Variants in PPARGC1A observed in about 807,000 individuals in gnomAD.
PPARGC1A encodes peroxisome proliferator-activated receptor gamma coactivator 1-alpha.
In PPARGC1A, 25 loss-of-function variants were observed where a neutral mutation model predicts 88.7. The observed-to-expected ratio is 0.28, with a 90% CI of 0.21 to 0.39. The LOEUF (loss-of-function observed/expected upper bound fraction) is 0.39, where lower values mean the gene tolerates loss of function less well. PPARGC1A is among the 10% of genes least tolerant of loss of function. PPARGC1A has a pLI of 1.00. For missense variants in PPARGC1A, 880 were observed against 968.7 expected (o/e 0.91, Z 1.22); for synonymous variants, 363 against 355.6 (o/e 1.02, Z -0.24).
At chr4:24,198,200 A>T in the PPARGC1A span, among the ~76,000 whole-genome samples, 1 of 152,212 alleles carries the variant, frequency 6.6e-6, no homozygotes, top group African/African-American at 2.4e-5. Context: ...ACAAATGCCC[A>T]TCAGATCTGC....
chr4:24,320,604 C>T, the PPARGC1A span, among the ~76,000 whole-genome samples: 1 of 150,838 alleles, frequency 6.6e-6, no homozygotes, highest in Non-Finnish European at 1.5e-5. Context: ...AACGAATGTC[C>T]TTTGAAAACA....
chr4:24,424,277 T>C, the PPARGC1A span, among the ~76,000 whole-genome samples: 2 of 125,300 alleles, frequency 1.6e-5, no homozygotes, highest in African/African-American at 6.1e-5. Flanking sequence ...TTTTTTTTTT[T>C]TTTTTTTTTT....
At chr4:24,270,171 T>C in the PPARGC1A span, among the ~76,000 whole-genome samples, 94,336 of 151,982 alleles carry the variant, frequency 0.62, 29,779 homozygotes, top group East Asian at 0.87. Context: ...CACCATCTGC[T>C]ATCTTGATCC....
chr4:24,062,207 G>A, the PPARGC1A span, among the ~76,000 whole-genome samples: 1 of 152,216 alleles, frequency 6.6e-6, no homozygotes, highest in Non-Finnish European at 1.5e-5. Context: ...TTCCCTAGTA[G>A]TACTCAGGAT....
the PPARGC1A span, among the ~76,000 whole-genome samples, chr4:23,998,719 T>C: frequency 6.6e-6 from 1 of 152,170 alleles, no homozygotes; most frequent in South Asian, 2.1e-4. Flanking sequence ...ATTCATAAAA[T>C]ATGTATGGCT....
chr4:24,362,361 G>T, the PPARGC1A span, among the ~76,000 whole-genome samples: 1 of 151,380 alleles, frequency 6.6e-6, no homozygotes, highest in Non-Finnish European at 1.5e-5. Flanking sequence ...TGGATGGATG[G>T]ATGGATGGAT....
the PPARGC1A span, among the ~76,000 whole-genome samples, chr4:24,162,368 AAAAATAAAAT>A: frequency 6.6e-6 from 1 of 152,154 alleles, no homozygotes; most frequent in African/African-American, 2.4e-5. Context: ...CTATGGAAAT[AAAAATAAAAT>A]AAAATAAAAT....
At chr4:23,840,483 G>T (rs1459377460) in intron 2 of PPARGC1A, among the ~76,000 whole-genome samples, 2 of 152,042 alleles carry the variant, frequency 1.3e-5, no homozygotes, top group African/African-American at 2.4e-5. Context: ...CACATGGATT[G>T]CCCCTTTGTC....
chr4:23,970,541 G>A, the PPARGC1A span, among the ~76,000 whole-genome samples: 2,086 of 152,310 alleles, frequency 0.014, 18 homozygotes, highest in Non-Finnish European at 0.021. Flanking sequence ...GGTTACTGAG[G>A]GGGTAGGTAA....
chr4:23,905,074 C>T (rs1228453778), upstream of PPARGC1A, among the ~76,000 whole-genome samples: 1 of 152,162 alleles, frequency 6.6e-6, no homozygotes, highest in East Asian at 1.9e-4. Flanking sequence ...AAAAAACACT[C>T]GGAGTTCTTT....
chr4:24,436,623 C>T, the PPARGC1A span, among the ~76,000 whole-genome samples: 18 of 147,864 alleles, frequency 1.2e-4, 1 homozygote, highest in African/African-American at 3.6e-4. Flanking sequence ...CCCCAGAGCC[C>T]GGGTCACATT....
the PPARGC1A span, among the ~76,000 whole-genome samples, chr4:24,347,067 ATGGTTTTGAAGGTTCCTTT>A: frequency 1.3e-5 from 2 of 152,074 alleles, no homozygotes; most frequent in African/African-American, 4.8e-5. Flanking sequence ...ATGTATTTGC[ATGGTTTTGAAGGTTCCTTT>A]TGGAGTTGAT....
the PPARGC1A span, among the ~76,000 whole-genome samples, chr4:24,379,884 C>T: frequency 5.3e-4 from 80 of 151,076 alleles, 1 homozygote; most frequent in South Asian, 7.7e-3. Flanking sequence ...GTTCAAGTGA[C>T]TCTTCTGCCT....
chr4:24,029,643 A>G, the PPARGC1A span, among the ~76,000 whole-genome samples: 3 of 152,188 alleles, frequency 2.0e-5, no homozygotes, highest in Non-Finnish European at 2.9e-5. Context: ...CCCCTTCTCC[A>G]TCCTCCTTTG....
chr4:24,336,234 T>A, the PPARGC1A span, among the ~76,000 whole-genome samples: 1 of 152,154 alleles, frequency 6.6e-6, no homozygotes, highest in East Asian at 1.9e-4. Flanking sequence ...TGTTGGCAAG[T>A]GCTTTGTGTC....
At chr4:24,411,782 T>C in the PPARGC1A span, among the ~76,000 whole-genome samples, 1 of 152,070 alleles carries the variant, frequency 6.6e-6, no homozygotes, top group Non-Finnish European at 1.5e-5. Flanking sequence ...GCAGCCTTTT[T>C]ACATGGGTTT....
At chr4:24,006,405 C>T in the PPARGC1A span, among the ~76,000 whole-genome samples, 16 of 152,260 alleles carry the variant, frequency 1.1e-4, no homozygotes, top group African/African-American at 3.6e-4. Context: ...GGCTGCAGCA[C>T]CCATGTGGGG....
the PPARGC1A span, among the ~76,000 whole-genome samples, chr4:24,194,129 CAA>C: frequency 6.2e-5 from 8 of 128,732 alleles, no homozygotes; most frequent in African/African-American, 6.0e-5. Flanking sequence ...AACTCCATCT[CAA>C]AAAAAAAAAA....
At chr4:23,880,041 A>G (rs147398016) in intron 2 of PPARGC1A, 1 of 151,702 alleles carries the variant, frequency 6.6e-6, no homozygotes, top group East Asian at 1.9e-4. Context: ...AGAAATACAC[A>G]TACATACACA....
Sources: gnomAD v4.1 joint callset for allele counts (sites outside exome capture counted in the v4.1 genomes callset) on GRCh38, gnomAD v4.1.1 for gene constraint, MANE v1.5 for transcripts, NCBI Gene and HGNC (gene_info 2026-07-23, HGNC 2026-07-21) for gene names.